The following RSU1 variants were observed in gnomAD, a reference collection of about 807,000 sequenced individuals.
RSU1 encodes the protein Ras suppressor protein 1, also known as rsu-1.
In RSU1, 26 loss-of-function variants were observed where a neutral mutation model predicts 31.1. That is an observed-to-expected ratio of 0.84 (90% CI 0.61 to 1.16). The LOEUF (loss-of-function observed/expected upper bound fraction) is 1.16, where lower values mean the gene tolerates loss of function less well. Among genes scored for constraint, RSU1 ranks in the 50% most tolerant of loss-of-function variants. The pLI is 0.00. For missense variants in RSU1, 320 were observed against 339.1 expected (o/e 0.94, Z 0.44); for synonymous variants, 164 against 136.3 (o/e 1.20, Z -1.41).
chr10:16,787,148 T>C (rs1837807563), intron 2 of RSU1, among the ~76,000 whole-genome samples: 2 of 152,112 alleles, frequency 1.3e-5, no homozygotes, highest in African/African-American at 4.8e-5. Flanking sequence ...AATGTGCCCT[T>C]TGGAGCCACA....
In RSU1 at chr10:16,737,768, A is replaced by C. The variant is rs199579233; in HGVS notation, c.598+14771T>G. On this transcript the variant is annotated intron_variant, in intron 7 of 8. Transcript: ENST00000345264. ...AAAACTAACTTAAGGAAAAAAAAAA[A>C]CAATATTACTGGGAGTTATAACATA... 3.0e-3 allele frequency among the ~76,000 whole-genome samples: 458 copies of C among 150,636 alleles called. 4 individuals carry two copies. The East Asian group carries it at 0.053, about 17-fold the overall frequency.
chr10:16,796,941 CAG>C (rs1424955723), intron 2 of RSU1, among the ~76,000 whole-genome samples: 1 of 152,204 alleles, frequency 6.6e-6, no homozygotes, highest in Non-Finnish European at 1.5e-5. Flanking sequence ...GTGACGAAAG[CAG>C]AGAGAACCCA....
At chr10:16,795,070 C>A (rs1290084459) in intron 2 of RSU1, among the ~76,000 whole-genome samples, 1 of 152,156 alleles carries the variant, frequency 6.6e-6, no homozygotes, top group African/African-American at 2.4e-5. Context: ...AATGTTAGAA[C>A]AGTCCCGGCG....
chr10:16,620,383 G>T (rs921586742), intron 8 of RSU1, among the ~76,000 whole-genome samples: 2 of 151,920 alleles, frequency 1.3e-5, no homozygotes, highest in Non-Finnish European at 2.9e-5. Context: ...AGGGGAGGGA[G>T]GATCTGCTCT....
chr10:16,618,213 C>G (rs956358211), intron 8 of RSU1, among the ~76,000 whole-genome samples: 11 of 152,140 alleles, frequency 7.2e-5, no homozygotes, highest in Admixed American at 7.2e-4. Flanking sequence ...ATGCAGCCAA[C>G]AAACATGAAG....
At chr10:16,755,810 T>C (rs146696472) in intron 4 of RSU1, among the ~76,000 whole-genome samples, 3,178 of 152,316 alleles carry the variant, frequency 0.021, 124 homozygotes, top group African/African-American at 0.072. Flanking sequence ...GGTTTACTTT[T>C]TTACATTCCA....
At chr10:16,768,567 C>A (rs574631968) in intron 3 of RSU1, among the ~76,000 whole-genome samples, 1 of 152,146 alleles carries the variant, frequency 6.6e-6, no homozygotes, top group African/African-American at 2.4e-5. Context: ...CTGCTGGGGA[C>A]GCTCTCATCC....
At chr10:16,807,724 T>C (rs1342727673) in intron 2 of RSU1, among the ~76,000 whole-genome samples, 1 of 152,154 alleles carries the variant, frequency 6.6e-6, no homozygotes, top group Admixed American at 6.5e-5. Flanking sequence ...CTTAACACAG[T>C]GTTTTAAAGA....
At chr10:16,697,278 T>C (rs892217764) in intron 7 of RSU1, among the ~76,000 whole-genome samples, 8 of 152,202 alleles carry the variant, frequency 5.3e-5, no homozygotes, top group African/African-American at 1.9e-4. Flanking sequence ...TTACATCTTG[T>C]CATCTTCATG....
At chr10:16,678,550 T>C (rs917741629) in intron 8 of RSU1, among the ~76,000 whole-genome samples, 1 of 152,158 alleles carries the variant, frequency 6.6e-6, no homozygotes, top group Non-Finnish European at 1.5e-5. Flanking sequence ...TGAATGAAAA[T>C]AGGAGATAGT....
intron 8 of RSU1, among the ~76,000 whole-genome samples, chr10:16,623,132 T>C (rs139199771): frequency 5.8e-4 from 89 of 152,308 alleles, no homozygotes; most frequent in African/African-American, 1.7e-3. Context: ...AATGAACCCA[T>C]TGACCATGTA....
chr10:16,750,506 G>C (rs1228613896), intron 7 of RSU1, among the ~76,000 whole-genome samples: 1 of 152,142 alleles, frequency 6.6e-6, no homozygotes, highest in African/African-American at 2.4e-5. Flanking sequence ...AAATGAGTAA[G>C]ATTTTAAAAT....
intron 8 of RSU1, among the ~76,000 whole-genome samples, chr10:16,639,623 G>A (rs574431023): frequency 3.9e-5 from 6 of 152,194 alleles, no homozygotes; most frequent in Non-Finnish European, 8.8e-5. Flanking sequence ...GTCATTTGTT[G>A]ACTGATGAGA....
intron 2 of RSU1, among the ~76,000 whole-genome samples, chr10:16,791,471 T>C (rs559275627): frequency 5.9e-5 from 9 of 151,940 alleles, no homozygotes; most frequent in Admixed American, 5.9e-4. Context: ...TCTACCGAAG[T>C]ACAAAAAATT....
At chr10:16,654,673 A>C (rs1461665131) in intron 8 of RSU1, among the ~76,000 whole-genome samples, 1 of 136,684 alleles carries the variant, frequency 7.3e-6, no homozygotes, top group African/African-American at 2.8e-5. Flanking sequence ...CATCTCAAAA[A>C]CAAAAACAAA....
chr10:16,770,298 AG>A (rs1200178069), intron 3 of RSU1, among the ~76,000 whole-genome samples: 3 of 152,114 alleles, frequency 2.0e-5, no homozygotes, highest in Non-Finnish European at 4.4e-5. Flanking sequence ...CGGGAGGGTC[AG>A]GGGGTCACAC....
intron 2 of RSU1, among the ~76,000 whole-genome samples, chr10:16,797,064 C>A (rs74491736): frequency 0.013 from 2,012 of 152,302 alleles, 18 homozygotes; most frequent in Non-Finnish European, 0.023. Flanking sequence ...GAAGGGTTTG[C>A]CCATTCCAAC....
chr10:16,802,650 C>T (rs1160669743), intron 2 of RSU1, among the ~76,000 whole-genome samples: 1 of 152,048 alleles, frequency 6.6e-6, no homozygotes, highest in Non-Finnish European at 1.5e-5. Flanking sequence ...CTCTACAAAG[C>T]GTTAGCAAAT....
intron 8 of RSU1, among the ~76,000 whole-genome samples, chr10:16,670,455 C>G (rs1051239535): frequency 6.6e-6 from 1 of 152,162 alleles, no homozygotes; most frequent in African/African-American, 2.4e-5. Context: ...GGCCCTGAAG[C>G]TAGAATATTC....
Sources: allele counts gnomAD v4.1 joint callset (sites outside exome capture counted in the v4.1 genomes callset), GRCh38; gene constraint gnomAD v4.1.1; transcripts MANE v1.5; gene names NCBI Gene and HGNC (gene_info 2026-07-23, HGNC 2026-07-21).